Variants in SAYSD1 observed in about 807,000 individuals in gnomAD.
The protein encoded by SAYSD1 is SAYSvFN domain-containing protein 1.
SAYSD1 carries 15 observed loss-of-function variants against 14.5 expected under a neutral mutation model. The observed-to-expected ratio is 1.03, with a 90% CI of 0.69 to 1.59. The LOEUF (loss-of-function observed/expected upper bound fraction) is 1.59, where lower values mean the gene tolerates loss of function less well. Among genes scored for constraint, SAYSD1 ranks in the 40% most tolerant of loss-of-function variants. SAYSD1 has a pLI of 0.00. For missense variants in SAYSD1, 247 were observed against 227.3 expected (o/e 1.09, Z -0.56); for synonymous variants, 105 against 102.6 (o/e 1.02, Z -0.14).
Position 39,115,149 on chromosome 6 carries a change from G to A in SAYSD1, c.-60C>T. On this transcript the variant is annotated 5_prime_UTR_variant, in exon 1 of 2. Coordinates refer to ENST00000229903, the MANE Select transcript of SAYSD1 (RefSeq NM_018322.3). ...GCGCGCGCCCGCAGGCCGCACAGCA[G>A]TTGCCTCCGCTCGGCCCGCGCCGGC... 1.4e-6 allele frequency: 2 copies of A among 1,480,374 alleles called. No individual in the cohort carries two copies. The highest frequency in any genetic ancestry group is 1.8e-6 in the Non-Finnish European group (2 of 1,114,182). The allele number at this position is 1,480,374 out of a possible 1,614,324, so 91.7% of individuals were successfully genotyped here. A position where few individuals can be genotyped will look rare whatever the true frequency, so the allele number is the denominator to read the frequency against.
intron 1 of SAYSD1, among the ~76,000 whole-genome samples, chr6:39,114,395 A>G (rs1769691570): frequency 6.6e-6 from 1 of 152,254 alleles, no homozygotes; most frequent in Non-Finnish European, 1.5e-5. Context: ...ACACTTTGGT[A>G]AATTCTGTAT....
At chr6:39,109,624 T>C (rs1769589042) in intron 1 of SAYSD1, 2 of 1,255,596 alleles carry the variant, frequency 1.6e-6, no homozygotes, top group Non-Finnish European at 2.0e-6. Flanking sequence ...CCTTCATCTG[T>C]AGATGGACAG....
intron 1 of SAYSD1, chr6:39,109,365 A>G (rs753380609): frequency 1.1e-5 from 17 of 1,550,774 alleles, no homozygotes. Flanking sequence ...TATTTCAGGA[A>G]ACTGCTTTTC....
At chr6:39,113,421 GCAGA>G (rs1769668242) in intron 1 of SAYSD1, 1 of 152,500 alleles carries the variant, frequency 6.6e-6, no homozygotes, top group African/African-American at 2.4e-5. Flanking sequence ...TAAACTAGAG[GCAGA>G]ATCTGAAGAA....
chr6:39,110,409 T>C (rs985530696), intron 1 of SAYSD1: 5 of 189,996 alleles, frequency 2.6e-5, no homozygotes, highest in East Asian at 1.2e-4. Context: ...CAGACTGACA[T>C]TGGTGACAAA....
At chr6:39,109,869 C>G (rs1022073752) in intron 1 of SAYSD1, among the ~76,000 whole-genome samples, 2 of 152,092 alleles carry the variant, frequency 1.3e-5, no homozygotes, top group Non-Finnish European at 2.9e-5. Context: ...ACCATGATGT[C>G]CTCTAGGTTC....
Position 39,105,342 on chromosome 6 carries a change from C to T in SAYSD1, c.*90G>A, listed in dbSNP as rs986395997. The T allele has an allele frequency of 8.0e-5, 86 of 1,072,148 alleles. No individual in the cohort carries two copies. The highest frequency in any genetic ancestry group is 1.1e-4 in the Non-Finnish European group (81 of 727,762). 66.4% of individuals were successfully genotyped at this position (1,072,148 alleles called of 1,614,324 possible). A position where few individuals can be genotyped will look rare whatever the true frequency, so the allele number is the denominator to read the frequency against. On this transcript the variant is annotated 3_prime_UTR_variant, in exon 2 of 2. Coordinates refer to ENST00000229903, the MANE Select transcript of SAYSD1 (RefSeq NM_018322.3). Reference sequence around the variant, plus strand: ...AGTCACAGAGCTAACCCGCAAGCTGCCCTTAGTCCTATACACCTGAAATCA... The same window carrying T: ...AGTCACAGAGCTAACCCGCAAGCTGTCCTTAGTCCTATACACCTGAAATCA...
rs1263318892 is a variant in SAYSD1, at chr6:39,115,161, C to T, written c.-72G>A. On this transcript the variant is annotated 5_prime_UTR_variant, in exon 1 of 2. Transcript: ENST00000229903. Reference sequence around the variant, plus strand: ...AGGCCGCACAGCAGTTGCCTCCGCTCGGCCCGCGCCGGCCGCCGTGCGCCT... The same window carrying T: ...AGGCCGCACAGCAGTTGCCTCCGCTTGGCCCGCGCCGGCCGCCGTGCGCCT... The T allele has an allele frequency of 7.3e-7, 1 of 1,376,242 alleles. No homozygotes were observed. The allele number at this position is 1,376,242 out of a possible 1,614,324, so 85.3% of individuals were successfully genotyped here. A position where few individuals can be genotyped will look rare whatever the true frequency, so the allele number is the denominator to read the frequency against.
chr6:39,109,478 G>T, intron 1 of SAYSD1: 1 of 1,506,016 alleles, frequency 6.6e-7, no homozygotes. Flanking sequence ...GGCCCGGGTC[G>T]GGGCAGAGGC....
chr6:39,114,870 T>G lies in SAYSD1; in HGVS notation c.207+13A>C. ...GAGGCCAGGTCCTAGGGCCGAAGTT[T>G]CCATCGTCTCACCTGAACTAGGCCG... is the stretch of plus-strand genomic sequence containing the variant. On this transcript the variant is annotated intron_variant, in intron 1 of 1. Transcript: ENST00000229903. 1 of 1,608,980 alleles carries G rather than the reference T, an allele frequency of 6.2e-7. No homozygotes were observed. The highest frequency in any genetic ancestry group is 8.5e-7 in the Non-Finnish European group (1 of 1,177,710).
intron 1 of SAYSD1, chr6:39,112,884 GA>G: frequency 6.5e-6 from 1 of 154,602 alleles, no homozygotes. Flanking sequence ...GTTTCAGTAT[GA>G]AAAAGAGAAA....
intron 1 of SAYSD1, among the ~76,000 whole-genome samples, chr6:39,107,690 C>G (rs1284592859): frequency 1.3e-5 from 2 of 152,180 alleles, no homozygotes; most frequent in East Asian, 3.8e-4. Context: ...ATTAGAAAGT[C>G]TGATTGGAGA....
intron 1 of SAYSD1, chr6:39,110,318 T>A (rs1769602401): frequency 5.2e-6 from 1 of 193,480 alleles, no homozygotes. Context: ...CCTTCATCTG[T>A]GGATGAACAC....
rs1350205508 is a variant in SAYSD1, at chr6:39,105,828, T to C, written c.208-52A>G. 2.6e-6 allele frequency: 4 copies of C among 1,519,938 alleles called. No individual in the cohort carries two copies. In the African/African-American group the frequency reaches 5.5e-5, roughly 21 times the overall value. 94.2% of individuals were successfully genotyped at this position (1,519,938 alleles called of 1,614,324 possible). ...AGAATAAAGGGTAATGGAGCTGAGA[T>C]GATCAAAACTAATCTGAAAAGGCAG... On this transcript the variant is annotated intron_variant, in intron 1 of 1. Coordinates refer to ENST00000229903, the MANE Select transcript of SAYSD1 (RefSeq NM_018322.3).
At chr6:39,108,462 CAAG>C (rs1476050651) in intron 1 of SAYSD1, among the ~76,000 whole-genome samples, 1 of 151,970 alleles carries the variant, frequency 6.6e-6, no homozygotes, top group Non-Finnish European at 1.5e-5. Flanking sequence ...AGGGAACAAA[CAAG>C]AGGAGAGATA....
Position 39,105,482 on chromosome 6 carries a change from C to T in SAYSD1, c.502G>A (p.Ala168Thr). ...TGTAACTCGCGCTCCAACTGCTCTG[C>T]AGTCAGGGTGCCCTGGATGGCTTCA... The part of the protein sequence containing the change: ...GCEAIQGTLT[A>T]EQLERELQLR... Residue 168 changes from alanine to threonine, a missense_variant, in exon 2 of 2, where the codon GCA becomes ACA. Coordinates refer to ENST00000229903, the MANE Select transcript of SAYSD1 (RefSeq NM_018322.3). 6.2e-7 allele frequency: 1 copy of T among 1,614,252 alleles called. No individual in the cohort carries two copies. Among genetic ancestry groups the T allele is most frequent in the Non-Finnish European group, 8.5e-7 (1 of 1,180,046 alleles).
chr6:39,107,904 G>A (rs111705842), intron 1 of SAYSD1, among the ~76,000 whole-genome samples: 8 of 152,108 alleles, frequency 5.3e-5, no homozygotes, highest in African/African-American at 1.9e-4. Context: ...ATAAAGTAGG[G>A]CCAGGCAGGT....
intron 1 of SAYSD1, chr6:39,110,549 TATA>T (rs1207073336): frequency 2.0e-5 from 3 of 152,266 alleles, no homozygotes; most frequent in African/African-American, 7.2e-5. Flanking sequence ...CTATGCTGTG[TATA>T]ATGAGAATAC....
rs1769472452 is a variant in SAYSD1, at chr6:39,105,229, C to G, written c.*203G>C. The stretch of plus-strand genomic sequence containing the variant: ...ATTTTTATAAATTGCGTCGGACCCA[C>G]AGTGAATGTATTTTAGAGAGTTTCA... On this transcript the variant is annotated 3_prime_UTR_variant, in exon 2 of 2. Transcript: ENST00000229903. 2 of 567,278 alleles carry G rather than the reference C, an allele frequency of 3.5e-6. No homozygotes were observed. Among genetic ancestry groups the G allele is most frequent in the Admixed American group, 6.3e-5 (2 of 31,598 alleles). The allele number at this position is 567,278 out of a possible 1,614,324, so 35.1% of individuals were successfully genotyped here.
Sources: allele counts gnomAD v4.1 joint callset (sites outside exome capture counted in the v4.1 genomes callset), GRCh38; gene constraint gnomAD v4.1.1; transcripts MANE v1.5; gene names NCBI Gene and HGNC (gene_info 2026-07-23, HGNC 2026-07-21).